The following TRHDE variants were observed in gnomAD, a reference collection of about 807,000 sequenced individuals.
The protein encoded by TRHDE is thyrotropin-releasing hormone-degrading ectoenzyme.
Under a neutral mutation model 125.7 loss-of-function variants are expected in TRHDE, and 72 were observed. The observed-to-expected ratio is 0.57, with a 90% confidence interval of 0.47 to 0.70. The LOEUF (loss-of-function observed/expected upper bound fraction) is 0.70, where lower values mean the gene tolerates loss of function less well. Ranked by LOEUF, TRHDE falls within the 30% of genes least tolerant of loss-of-function variation. The pLI is 0.00. For missense variants in TRHDE, 1,110 were observed against 1,327.1 expected, an observed-to-expected ratio of 0.84 and a Z score of 2.54; for synonymous variants, 509 against 509.1, an observed-to-expected ratio of 1.00 and a Z score of 0.00.
chr12:72,629,681 AG>A (rs1873400403), intron 15 of TRHDE, among the ~76,000 whole-genome samples: 3 of 151,754 alleles, frequency 2.0e-5, no homozygotes, highest in African/African-American at 7.2e-5. Context: ...ATTTGTACTA[AG>A]ACACAGTGAG....
At chr12:72,634,861 A>G (rs1458187162) in intron 15 of TRHDE, among the ~76,000 whole-genome samples, 1 of 151,880 alleles carries the variant, frequency 6.6e-6, no homozygotes, top group Non-Finnish European at 1.5e-5. Context: ...ATAGTATTCC[A>G]TGGTGTATAT....
intron 15 of TRHDE, among the ~76,000 whole-genome samples, chr12:72,624,490 T>C (rs1299055743): frequency 6.6e-6 from 1 of 151,896 alleles, no homozygotes; most frequent in Non-Finnish European, 1.5e-5. Context: ...GTTGTACTAT[T>C]ATGCAGCATA....
rs1875173091 is a variant in TRHDE at position 72,668,431 on chromosome 12, A to G, written c.*5236A>G. ...TGATTTTACCCCAGATTTTGAAAAC[A>G]TACCACTTTAATGGCCTTTATTTCA... On this transcript the variant is annotated 3_prime_UTR_variant, in exon 19 of 19. Coordinates refer to ENST00000261180, the MANE Select transcript of TRHDE (RefSeq NM_013381.3). The G allele has an allele frequency of 6.6e-6, 1 of 151,816 alleles. No homozygotes were observed. Among genetic ancestry groups the G allele is most frequent in the South Asian group, 2.1e-4 (1 of 4,832 alleles). The allele number at this position is 151,816 out of a possible 1,614,324, so 9.4% of individuals were successfully genotyped here.
chr12:72,652,603 C>T (rs567953581), intron 16 of TRHDE, 114 bp downstream of exon 16: 358 of 716,898 alleles, frequency 5.0e-4, no homozygotes, highest in South Asian at 1.4e-3. Flanking sequence ...TAAAATATAT[C>T]TTCCTAAACA....
chr12:72,629,678 C>A (rs184916), intron 15 of TRHDE, among the ~76,000 whole-genome samples: 3 of 151,630 alleles, frequency 2.0e-5, no homozygotes, highest in African/African-American at 7.3e-5. Context: ...AATATTTGTA[C>A]TAAGACACAG....
At chr12:72,114,307 G>A (rs1371508946) in intron 2 of TRHDE, among the ~76,000 whole-genome samples, 1 of 152,082 alleles carries the variant, frequency 6.6e-6, no homozygotes, top group Non-Finnish European at 1.5e-5. Flanking sequence ...CTGTGCAGCT[G>A]AAAATCCATG....
chr12:72,584,985 A>C (rs1871380892), intron 12 of TRHDE, among the ~76,000 whole-genome samples: 1 of 152,042 alleles, frequency 6.6e-6, no homozygotes, highest in Non-Finnish European at 1.5e-5. Context: ...TCTTTTTGTC[A>C]CTATTTTTAT....
chr12:72,444,320 G>T (rs922221701), intron 3 of TRHDE, among the ~76,000 whole-genome samples: 3 of 151,858 alleles, frequency 2.0e-5, no homozygotes, highest in Admixed American at 1.3e-4. Context: ...CACTGTAAAA[G>T]TCTGTCTTTC....
chr12:72,581,185 A>T (rs1871209232), intron 12 of TRHDE, among the ~76,000 whole-genome samples: 1 of 152,212 alleles, frequency 6.6e-6, no homozygotes, highest in Admixed American at 6.5e-5. Context: ...ATAAGGTGAA[A>T]ATTCTTACTT....
At chr12:72,278,109 C>T (rs1879557832) in intron 1 of TRHDE, among the ~76,000 whole-genome samples, 1 of 152,246 alleles carries the variant, frequency 6.6e-6, no homozygotes, top group South Asian at 2.1e-4. Flanking sequence ...CCCCTAACCT[C>T]TTATTATCTG....
intron 2 of TRHDE, among the ~76,000 whole-genome samples, chr12:72,229,797 G>A (rs562018462): frequency 6.6e-6 from 1 of 152,258 alleles, no homozygotes; most frequent in African/African-American, 2.4e-5. Flanking sequence ...TATGAGGTGA[G>A]GAAGAGGGAA....
chr12:72,247,059 G>T (rs1401950648), intron 2 of TRHDE, among the ~76,000 whole-genome samples: 1 of 152,164 alleles, frequency 6.6e-6, no homozygotes, highest in Admixed American at 6.6e-5. Flanking sequence ...ATTTATTCCA[G>T]GACCTCGCAG....
chr12:72,226,580 T>G (rs1288157664), intron 2 of TRHDE, among the ~76,000 whole-genome samples: 1 of 152,178 alleles, frequency 6.6e-6, no homozygotes, highest in Non-Finnish European at 1.5e-5. Context: ...TTAGCTTATA[T>G]AAAATAAGCA....
At chr12:72,260,933 A>G (rs10506649) in intron 2 of TRHDE, among the ~76,000 whole-genome samples, 15,662 of 152,164 alleles carry the variant, frequency 0.1, 2,483 homozygotes, top group African/African-American at 0.34. Context: ...GAGTCTTGCT[A>G]CAGTCTTTAG....
At chr12:72,228,839 A>C (rs1878189136) in intron 2 of TRHDE, among the ~76,000 whole-genome samples, 1 of 152,346 alleles carries the variant, frequency 6.6e-6, no homozygotes, top group East Asian at 1.9e-4. Flanking sequence ...TCTCTAGGGC[A>C]GGGCAAAATG....
At chr12:72,421,027 G>A (rs990894972) in intron 3 of TRHDE, among the ~76,000 whole-genome samples, 1 of 150,998 alleles carries the variant, frequency 6.6e-6, no homozygotes. Flanking sequence ...GGAGTGCAGT[G>A]GCGCGATCTC....
At chr12:72,217,609 C>G (rs1877918837) in intron 2 of TRHDE, among the ~76,000 whole-genome samples, 1 of 152,124 alleles carries the variant, frequency 6.6e-6, no homozygotes, top group Non-Finnish European at 1.5e-5. Flanking sequence ...CTCCATCATT[C>G]CAACTTAATG....
intron 2 of TRHDE, among the ~76,000 whole-genome samples, chr12:72,178,511 A>G (rs967486493): frequency 6.6e-6 from 1 of 152,240 alleles, no homozygotes; most frequent in Admixed American, 6.5e-5. Context: ...TAACTGTTTT[A>G]CTAACTAGAA....
intron 2 of TRHDE, among the ~76,000 whole-genome samples, chr12:72,318,794 A>G (rs912092281): frequency 1.3e-5 from 2 of 152,152 alleles, no homozygotes; most frequent in Non-Finnish European, 2.9e-5. Context: ...AATAATAAGT[A>G]CTTAGAGCAA....
Sources: gnomAD v4.1 joint callset for allele counts (sites outside exome capture counted in the v4.1 genomes callset) on GRCh38, gnomAD v4.1.1 for gene constraint, MANE v1.5 for transcripts, NCBI Gene and HGNC (gene_info 2026-07-23, HGNC 2026-07-21) for gene names.